Variants in INTS1 observed in about 807,000 individuals in gnomAD.
INTS1 encodes the protein integrator complex subunit 1.
Under a neutral mutation model 241.6 loss-of-function variants are expected in INTS1, and 137 were observed. That is an observed-to-expected ratio of 0.57 (90% CI 0.49 to 0.65). The LOEUF is 0.65. Ranked by LOEUF, INTS1 falls within the 30% of genes least tolerant of loss-of-function variation. INTS1 has a pLI of 0.00. For missense variants in INTS1, 3,073 were observed against 3,032.2 expected (o/e 1.01, Z -0.32); for synonymous variants, 1,692 against 1,337.8 (o/e 1.26, Z -5.78).
chr7:1,496,481 G>A (rs1278381825), intron 11 of INTS1, among the ~76,000 whole-genome samples: 1 of 151,642 alleles, frequency 6.6e-6, no homozygotes, highest in Non-Finnish European at 1.5e-5. Context: ...TATCCAGAAG[G>A]GACACCCGGG....
rs952613890 is a variant in INTS1, at chr7:1,493,748, C to T, written c.2068+6G>A. 1.3e-6 allele frequency: 2 copies of T among 1,573,488 alleles called. No individual in the cohort carries two copies. The highest frequency in any genetic ancestry group is 1.7e-6 in the Non-Finnish European group (2 of 1,161,180). On this transcript the variant is annotated splice_donor_region_variant and intron_variant, in intron 15 of 47. Coordinates refer to ENST00000404767, the MANE Select transcript of INTS1 (RefSeq NM_001080453.3). The surrounding 1 kb of genome is among the most constrained non-coding windows in gnomAD (Gnocchi z 5.3). ...GCACAGGCGCCATCCCCTGCAGAAG[C>T]CATACCATCCGCCTGCACGGCAGCC...
rs73275956 is a variant in INTS1 at position 1,484,093 on chromosome 7, C to G, written c.3339G>C (p.Ser1113=). 2 of 1,612,354 alleles carry G rather than the reference C, an allele frequency of 1.2e-6. No homozygotes were observed. Among genetic ancestry groups the G allele is most frequent in the Non-Finnish European group, 1.7e-6 (2 of 1,179,772 alleles). ...LFSKLSPSAA[S]DAVLSALLSI... is the part of the protein sequence containing the mutation. ...ACAACAGAGCGCTCAGCACGGCGTC[C>G]GACGCGGCACTCGGGGAGAGCTTCG... is the stretch of plus-strand genomic sequence containing the variant. Residue 1113 remains serine (S), a synonymous_variant, in exon 25 of 48, where the codon TCG becomes TCC. Transcript: ENST00000404767.
chr7:1,476,573 C>T lies in INTS1; in HGVS notation c.5148G>A (p.Pro1716=), dbSNP rs755594723. The T allele has an allele frequency of 2.9e-5, 46 of 1,612,432 alleles. No homozygotes were observed. The highest frequency in any genetic ancestry group is 5.5e-5 in the South Asian group (5 of 91,094). The change falls in exon 37 of 48, where the codon CCG becomes CCA. Residue 1716 remains proline, a synonymous_variant. Coordinates refer to ENST00000404767, the MANE Select transcript of INTS1 (RefSeq NM_001080453.3). ...RIWQGRDQRT[P]QKRREELVLR... ...GGGCCACCCTCCCAAGACCTGCCTG[C>T]GGGGTGCGCTGGTCCCGCCCCTGCC...
At chr7:1,476,761 C>T (rs375993592) in intron 36 of INTS1, 33 bp downstream of exon 36, 25 of 1,612,404 alleles carry the variant, frequency 1.6e-5, no homozygotes, top group African/African-American at 9.3e-5. Flanking sequence ...CCAGTATGCG[C>T]GCAGCCCAGG....
chr7:1,473,046 C>T, intron 43 of INTS1, 26 bp downstream of exon 43: 1 of 1,500,066 alleles, frequency 6.7e-7, no homozygotes, highest in Non-Finnish European at 9.2e-7. Context: ...CAGCTGCTTC[C>T]AGCAGCCCCT....
chr7:1,485,519 G>T, intron 22 of INTS1, 50 bp from the exon 23 acceptor site: 1 of 1,576,206 alleles, frequency 6.3e-7, no homozygotes, highest in Admixed American at 1.7e-5. Flanking sequence ...TGCAGGCAGG[G>T]TCTCACCCTG....
chr7:1,494,274 C>T (rs1400208513), intron 14 of INTS1, among the ~76,000 whole-genome samples: 4 of 152,256 alleles, frequency 2.6e-5, no homozygotes, highest in African/African-American at 7.2e-5. Context: ...ACCCCTACAC[C>T]TCCAAAGCCT....
chr7:1,490,755 T>C (rs185416455), intron 16 of INTS1, among the ~76,000 whole-genome samples: 120 of 152,328 alleles, frequency 7.9e-4, no homozygotes, highest in Middle Eastern at 3.4e-3. Flanking sequence ...TGAAAGGACC[T>C]AGAACAGCCA....
At chr7:1,503,292 G>C in intron 2 of INTS1, 101 bp from the exon 3 acceptor site, 2 of 1,276,496 alleles carry the variant, frequency 1.6e-6, no homozygotes, top group Non-Finnish European at 2.2e-6. Flanking sequence ...TTAAACAAGG[G>C]TCAGAGGAGG....
Position 1,477,562 on chromosome 7 carries a change from G to T in INTS1, c.4926C>A (p.Phe1642Leu). Residue 1642 changes from phenylalanine to leucine, a missense_variant, in exon 35 of 48, where the codon TTC becomes TTA. Transcript: ENST00000404767. Reference protein sequence around the residue: ...SCPDLQLRLLFSRRKGKGQAQ... With the variant: ...SCPDLQLRLLLSRRKGKGQAQ... Reference sequence around the variant, plus strand: ...GGGTGCCACCCACCTTCCTCCGGGAGAAGAGCAGCCTGAGCTGCAGGTCGG... The same window carrying T: ...GGGTGCCACCCACCTTCCTCCGGGATAAGAGCAGCCTGAGCTGCAGGTCGG... 1 of 1,526,612 alleles carries T rather than the reference G, an allele frequency of 6.6e-7. No homozygotes were observed. The highest frequency in any genetic ancestry group is 2.4e-5 in the East Asian group (1 of 41,780). The allele number at this position is 1,526,612 out of a possible 1,614,324, so 94.6% of individuals were successfully genotyped here.
At position 1,503,106 on chromosome 7, in the gene INTS1, T is replaced by C; in HGVS notation, c.144A>G (p.Pro48=). 6.2e-7 allele frequency: 1 copy of C among 1,608,350 alleles called. No homozygotes were observed. Among genetic ancestry groups the C allele is most frequent in the Non-Finnish European group, 8.5e-7 (1 of 1,175,846 alleles). Reference sequence around the variant, plus strand: ...GCTCAGAAGGCAGGCCGGAAGGGGCTGGCTTCAGCAGGGTGGACGCCGTTT... The same window carrying C: ...GCTCAGAAGGCAGGCCGGAAGGGGCCGGCTTCAGCAGGGTGGACGCCGTTT... ...ESKTASTLLK[P]APSGLPSERK... is the part of the protein sequence containing the mutation. The change falls in exon 3 of 48, where the codon CCA becomes CCG. Residue 48 remains proline, a synonymous_variant. Transcript: ENST00000404767.
At chr7:1,494,711 G>C (rs1050399986) in intron 14 of INTS1, 105 bp downstream of exon 14, 2 of 1,121,578 alleles carry the variant, frequency 1.8e-6, no homozygotes, top group Admixed American at 4.0e-5. Context: ...GTGACCATGG[G>C]AACAGCCGCC....
chr7:1,474,464 G>T, intron 40 of INTS1, 104 bp from the exon 41 acceptor site: 3 of 1,238,818 alleles, frequency 2.4e-6, no homozygotes, highest in Non-Finnish European at 2.1e-6. Context: ...ACCCCGTGCT[G>T]CCCCCCAACC....
intron 41 of INTS1, among the ~76,000 whole-genome samples, 167 bp downstream of exon 41, chr7:1,474,001 A>T (rs1422891491): frequency 6.6e-6 from 1 of 152,200 alleles, no homozygotes; most frequent in Non-Finnish European, 1.5e-5. Context: ...CGTGAGGGGC[A>T]GCAGGCAGGG....
rs373768903 is a variant in INTS1, at chr7:1,489,573, C to T, written c.2257+18G>A. The T allele has an allele frequency of 2.2e-5, 34 of 1,557,472 alleles. No individual in the cohort carries two copies. Among genetic ancestry groups the T allele is most frequent in the Admixed American group, 3.7e-5 (2 of 53,902 alleles). On this transcript the variant is annotated intron_variant, in intron 17 of 47. Transcript: ENST00000404767. The stretch of plus-strand genomic sequence containing the variant: ...AGCAGGGCCACGTGTGCGCATGGGG[C>T]GGCCAGCAGAGGCTCACCGATGTTC...
In INTS1 at chr7:1,485,319, T is replaced by C; in HGVS notation, c.3127A>G (p.Arg1043Gly). Residue 1043 changes from arginine to glycine, a missense_variant, in exon 23 of 48, where the codon AGG becomes GGG. Transcript: ENST00000404767. Reference sequence around the variant, plus strand: ...TGCAGGGCCAGGGCTGTGGTGCTCCTGACGCTGTCGAACAGAGGCAGGCGA... The same window carrying C: ...TGCAGGGCCAGGGCTGTGGTGCTCCCGACGCTGTCGAACAGAGGCAGGCGA... Reference protein sequence around the residue: ...LPRLPLFDSVRSTTALALQQA... With the variant: ...LPRLPLFDSVGSTTALALQQA... The C allele has an allele frequency of 1.2e-6, 2 of 1,611,672 alleles. No homozygotes were observed. The highest frequency in any genetic ancestry group is 1.7e-6 in the Non-Finnish European group (2 of 1,179,746).
At position 1,478,801 on chromosome 7, in the gene INTS1, C is replaced by T. The variant is rs376634201; in HGVS notation, c.4414G>A (p.Val1472Met). ...TGTGCCCGCAGGGGCCCGCCCTCCA[C>T]GCCAGGGCTGTCCAGCCACTGCAGC... is the stretch of plus-strand genomic sequence containing the variant. The part of the protein sequence containing the change: ...QMLQWLDSPG[V>M]EGGPLRAQLR... The change falls in exon 32 of 48, where the codon GTG becomes ATG. Residue 1472 changes from valine (V) to methionine (M), a missense_variant. Val to Met is a conservative substitution (Grantham distance 21). Transcript: ENST00000404767. The T allele has an allele frequency of 2.5e-5, 40 of 1,606,854 alleles. No homozygotes were observed. Among genetic ancestry groups the T allele is most frequent in the Admixed American group, 3.4e-5 (2 of 59,442 alleles).
At chr7:1,475,880 C>T (rs376060006) in intron 39 of INTS1, 68 bp downstream of exon 39, 44 of 1,505,994 alleles carry the variant, frequency 2.9e-5, no homozygotes, top group South Asian at 1.5e-4. Flanking sequence ...CTGTGGCCTC[C>T]GCCCTCCCTC....
chr7:1,488,144 G>A (rs1169160923), intron 18 of INTS1, among the ~76,000 whole-genome samples, 187 bp from the exon 19 acceptor site: 1 of 152,178 alleles, frequency 6.6e-6, no homozygotes, highest in Non-Finnish European at 1.5e-5. Flanking sequence ...AAGCCGCAGC[G>A]CTGCCCAGAG....
Sources: gnomAD v4.1 joint callset for allele counts (sites outside exome capture counted in the v4.1 genomes callset) on GRCh38, gnomAD v4.1.1 for gene constraint, Gnocchi (gnomAD v3.1) non-coding constraint, MANE v1.5 for transcripts, NCBI Gene and HGNC (gene_info 2026-07-23, HGNC 2026-07-21) for gene names.